Variants in CDC25C observed in about 807,000 individuals in gnomAD.
CDC25C encodes cell division cycle 25C, also known as M-phase inducer phosphatase 3.
A neutral mutation model predicts 52.5 loss-of-function variants in CDC25C; 48 were observed. That is an observed-to-expected ratio of 0.91 (90% CI 0.72 to 1.16). The LOEUF (loss-of-function observed/expected upper bound fraction) is 1.16. Among genes scored for constraint, CDC25C ranks in the 50% most tolerant of loss-of-function variants. The pLI, the probability that CDC25C is intolerant of heterozygous loss-of-function variation, is 0.00. For synonymous variants in CDC25C, 187 were observed against 206.5 expected, an observed-to-expected ratio of 0.91 and a Z score of 0.81; for missense variants, 510 against 566.1, an observed-to-expected ratio of 0.90 and a Z score of 1.01.
chr5:138,327,490 G>C (rs1166903223), intron 4 of CDC25C, among the ~76,000 whole-genome samples: 1 of 151,778 alleles, frequency 6.6e-6, no homozygotes, highest in Non-Finnish European at 1.5e-5. Flanking sequence ...ACAAAAATTA[G>C]CCGGGCGTGG....
At chr5:138,332,797 CAG>C (rs1760491140), upstream of CDC25C, among the ~76,000 whole-genome samples, 1 of 152,182 alleles carries the variant, frequency 6.6e-6, no homozygotes, top group Non-Finnish European at 1.5e-5. Flanking sequence ...ACTCGGGAGA[CAG>C]AGGTTGCGCC....
At chr5:138,301,502 C>T (rs996336156) in intron 7 of CDC25C, among the ~76,000 whole-genome samples, 10 of 151,570 alleles carry the variant, frequency 6.6e-5, no homozygotes, top group African/African-American at 1.7e-4. Flanking sequence ...ACCGGTGAAT[C>T]GTGCCAAACA....
intron 7 of CDC25C, among the ~76,000 whole-genome samples, chr5:138,300,821 T>C (rs1757575724): frequency 6.6e-6 from 1 of 152,090 alleles, no homozygotes; most frequent in Admixed American, 6.5e-5. Context: ...AAATTAGAAT[T>C]CAATAACAGA....
chr5:138,307,490 C>CAAAAAAAAAAAAAAAA (rs57593237), intron 7 of CDC25C, among the ~76,000 whole-genome samples: 15 of 88,206 alleles, frequency 1.7e-4, no homozygotes, highest in African/African-American at 3.7e-4. Context: ...GAGACTGCCA[C>CAAAAAAAAAAAAAAAA]AAAAAAAAAA....
rs948471920 is a variant in CDC25C at position 138,286,126 on chromosome 5, A to G, written c.1168T>C (p.Cys390Arg). ...AGAGACCTGTCCTCTTCACGCAGAC[A>G]GCGGCACCTTTAGAGAGAACCCAGA... is the stretch of plus-strand genomic sequence containing the variant. ...SSERGPRMCRCLREEDRSLNQ... is the reference protein window; with the variant it reads ...SSERGPRMCRRLREEDRSLNQ... The change falls in exon 13 of 14, where the codon TGT (cysteine) becomes CGT (arginine). Residue 390 changes from cysteine (C) to arginine (R), a missense_variant. Cys to Arg is a radical substitution (Grantham distance 180, BLOSUM62 -3). Coordinates refer to ENST00000323760, the MANE Select transcript of CDC25C (RefSeq NM_001790.5). 6.2e-7 allele frequency: 1 copy of G among 1,613,400 alleles called. No individual in the cohort carries two copies. Among genetic ancestry groups the G allele is most frequent in the Non-Finnish European group, 8.5e-7 (1 of 1,179,406 alleles).
chr5:138,302,492 G>A (rs1251343729), intron 7 of CDC25C, among the ~76,000 whole-genome samples: 2 of 151,328 alleles, frequency 1.3e-5, no homozygotes, highest in African/African-American at 4.9e-5. Flanking sequence ...CTAAGGTCGG[G>A]AGTTTGAGAC....
At chr5:138,322,094 C>T (rs34735218) in intron 6 of CDC25C, among the ~76,000 whole-genome samples, 6,776 of 140,062 alleles carry the variant, frequency 0.048, 228 homozygotes, top group Middle Eastern at 0.12. Flanking sequence ...CTCCGCCTCC[C>T]GGGTTCACGC....
Position 138,329,614 on chromosome 5 carries a change from A to T in CDC25C, c.228T>A (p.Asn76Lys), listed in dbSNP as rs141412213. The T allele has an allele frequency of 3.5e-5, 57 of 1,613,096 alleles. No individual in the cohort carries two copies. The African/African-American group carries it at 6.0e-4, about 17-fold the overall frequency. ...GTPKRCLDLS[N>K]LSSGEITATQ... ...TGGCAGTTATCTCCCCACTGCTAAGATTCGAAAGATCGAGGCAACGTTTTG... is the reference window on the plus strand; with the variant it reads ...TGGCAGTTATCTCCCCACTGCTAAGTTTCGAAAGATCGAGGCAACGTTTTG... The change falls in exon 3 of 14, where the codon AAT becomes AAA. Residue 76 changes from asparagine to lysine, a missense_variant. By Grantham distance (94) the Asn-to-Lys change is moderately conservative (BLOSUM62 0). Transcript: ENST00000323760.
chr5:138,320,915 CAAAAAAAAAAAAAAAA>C (rs57923567), intron 6 of CDC25C, among the ~76,000 whole-genome samples: 6 of 42,256 alleles, frequency 1.4e-4, no homozygotes, highest in South Asian at 1.7e-3. Context: ...GACTCTGTCT[CAAAAAAAAAAAAAAAA>C]AAAAAAAAAA....
At position 138,328,486 on chromosome 5, in the gene CDC25C, C is replaced by G; in HGVS notation, c.333G>C (p.Gly111=). 1 of 1,613,642 alleles carries G rather than the reference C, an allele frequency of 6.2e-7. No homozygotes were observed. The highest frequency in any genetic ancestry group is 8.5e-7 in the Non-Finnish European group (1 of 1,179,580). ...SSGLQEVHLA[G]MNHDQHLMKC... is the part of the protein sequence containing the mutation. Reference sequence around the variant, plus strand: ...GTTCATTTAACAACAGAACTTACATCCCAGCTAAATGCACTTCCTGAAGTC... The same window carrying G: ...GTTCATTTAACAACAGAACTTACATGCCAGCTAAATGCACTTCCTGAAGTC... Residue 111 remains glycine, a splice_region_variant and synonymous_variant, in exon 4 of 14, where the codon GGG becomes GGC. Coordinates refer to ENST00000323760, the MANE Select transcript of CDC25C (RefSeq NM_001790.5).
At chr5:138,299,311 C>T (rs1269103993) in intron 7 of CDC25C, among the ~76,000 whole-genome samples, 1 of 149,786 alleles carries the variant, frequency 6.7e-6, no homozygotes, top group Admixed American at 6.7e-5. Flanking sequence ...GCCTGGCCAA[C>T]AGAGTGAAGC....
intron 10 of CDC25C, 97 bp downstream of exon 10, chr5:138,289,403 AC>A (rs1419791118): frequency 2.4e-6 from 2 of 850,268 alleles, no homozygotes; most frequent in African/African-American, 1.7e-5. Context: ...GTGAGTGAAC[AC>A]AGTGAAAGAA....
chr5:138,294,745 C>T (rs781274656), intron 7 of CDC25C, among the ~76,000 whole-genome samples: 1 of 152,022 alleles, frequency 6.6e-6, no homozygotes, highest in African/African-American at 2.4e-5. Flanking sequence ...ACCTCATGAT[C>T]TGCCCGCCTC....
At chr5:138,316,816 C>A (rs76093895) in intron 7 of CDC25C, among the ~76,000 whole-genome samples, 1 of 152,054 alleles carries the variant, frequency 6.6e-6, no homozygotes, top group East Asian at 1.9e-4. Flanking sequence ...GAGCTGAATA[C>A]GGGATAAGAC....
At chr5:138,320,080 G>A (rs1323971986) in intron 6 of CDC25C, among the ~76,000 whole-genome samples, 1 of 152,182 alleles carries the variant, frequency 6.6e-6, no homozygotes, top group African/African-American at 2.4e-5. Flanking sequence ...GCCGAGGCCA[G>A]CAGATCACGA....
intron 7 of CDC25C, among the ~76,000 whole-genome samples, chr5:138,309,489 G>A (rs866416734): frequency 5.3e-5 from 8 of 150,662 alleles, no homozygotes; most frequent in African/African-American, 1.5e-4. Flanking sequence ...CCCTGGAGGC[G>A]GAAGTTGCAG....
At chr5:138,302,162 T>C (rs1353484751) in intron 7 of CDC25C, among the ~76,000 whole-genome samples, 1 of 150,352 alleles carries the variant, frequency 6.7e-6, no homozygotes, top group Non-Finnish European at 1.5e-5. Flanking sequence ...GCCCGGCTAG[T>C]TTTTGTATTT....
rs113581774 is a variant in CDC25C at position 138,285,322 on chromosome 5, A to T, written c.*370T>A. 1.7e-3 allele frequency: 336 copies of T among 195,914 alleles called. 2 individuals are homozygous for T. Among genetic ancestry groups the T allele is most frequent in the Non-Finnish European group, 2.5e-3 (241 of 96,080 alleles). The allele number at this position is 195,914 out of a possible 1,614,324, so 12.1% of individuals were successfully genotyped here. A position where few individuals can be genotyped will look rare whatever the true frequency, so the allele number is the denominator to read the frequency against. ...TTTTAAAAAAGAAAGAGGGGGAAAC[A>T]AAGAAGGAAAATACAAAGAAAGAAG... is the stretch of plus-strand genomic sequence containing the variant. On this transcript the variant is annotated 3_prime_UTR_variant, in exon 14 of 14. Transcript: ENST00000323760.
intron 7 of CDC25C, among the ~76,000 whole-genome samples, chr5:138,301,351 A>G (rs1757613367): frequency 6.6e-6 from 1 of 152,174 alleles, no homozygotes; most frequent in African/African-American, 2.4e-5. Flanking sequence ...AACCTAATTA[A>G]AATGGACAAA....
Sources: gnomAD v4.1 joint callset for allele counts (sites outside exome capture counted in the v4.1 genomes callset) on GRCh38, gnomAD v4.1.1 for gene constraint, MANE v1.5 for transcripts, NCBI Gene and HGNC (gene_info 2026-07-23, HGNC 2026-07-21) for gene names.